Variants in ZNF469 observed in about 807,000 individuals in gnomAD.
The protein encoded by ZNF469 is zinc finger protein 469.
ZNF469 carries 1 observed loss-of-function variant against 1.0 expected under a neutral mutation model. The observed-to-expected ratio is 1.00, with a 90% CI of 0.35 to 4.73. The LOEUF is 4.73. Ranked by LOEUF, ZNF469 falls within the 30% of genes most tolerant of loss-of-function variation. The pLI is 0.16. For synonymous variants in ZNF469, 2,703 were observed against 2,363.4 expected (o/e 1.14, Z -4.17); for missense variants, 6,100 against 5,356.3 (o/e 1.14, Z -4.33).
chr16:88,215,506 C>T, the ZNF469 span, among the ~76,000 whole-genome samples: 1 of 150,472 alleles, frequency 6.6e-6, no homozygotes, highest in Non-Finnish European at 1.5e-5. Context: ...TCTCCTGCCT[C>T]AGCCTCCCAA....
chr16:88,191,730 A>G, the ZNF469 span: 1 of 152,228 alleles, frequency 6.6e-6, no homozygotes, highest in Admixed American at 6.5e-5. Flanking sequence ...AGACATGGTC[A>G]TAGGCCCTGC....
rs1597213406 is a variant in ZNF469 at position 88,436,535 on chromosome 16, G to A, written c.9065G>A (p.Ser3022Asn). 2.6e-6 allele frequency: 4 copies of A among 1,549,396 alleles called. No homozygotes were observed. The East Asian group carries it at 9.8e-5, about 38-fold the overall frequency. The part of the protein sequence containing the change: ...SLGDVSPEPP[S>N]LERERCDGGL... Reference sequence around the variant, plus strand: ...GGAGATGTGAGCCCCGAGCCCCCCAGCCTGGAGAGAGAACGCTGTGACGGT... The same window carrying A: ...GGAGATGTGAGCCCCGAGCCCCCCAACCTGGAGAGAGAACGCTGTGACGGT... Residue 3022 changes from serine (S) to asparagine (N), a missense_variant, in exon 3 of 3, where the codon AGC becomes AAC. Ser to Asn is a conservative substitution (Grantham distance 46). Transcript: ENST00000565624.
the ZNF469 span, among the ~76,000 whole-genome samples, chr16:88,296,918 C>A: frequency 6.6e-6 from 1 of 152,226 alleles, no homozygotes; most frequent in African/African-American, 2.4e-5. Flanking sequence ...TTGGATGCAG[C>A]TGTTTTGAAG....
At chr16:88,111,515 A>T in the ZNF469 span, among the ~76,000 whole-genome samples, 1 of 19,496 alleles carries the variant, frequency 5.1e-5, no homozygotes, top group African/African-American at 9.0e-5. Context: ...TTTTGTACCC[A>T]TTAACATCCC....
the ZNF469 span, among the ~76,000 whole-genome samples, chr16:88,179,889 C>T: frequency 1.2e-4 from 18 of 152,198 alleles, no homozygotes; most frequent in Non-Finnish European, 2.4e-4. Flanking sequence ...AAGTACAGGC[C>T]TTGCTGTCAG....
At chr16:88,217,109 G>A in the ZNF469 span, among the ~76,000 whole-genome samples, 8 of 152,056 alleles carry the variant, frequency 5.3e-5, no homozygotes, top group African/African-American at 7.2e-5. Flanking sequence ...GTTTTTGGTC[G>A]TGTGGTCCTG....
the ZNF469 span, among the ~76,000 whole-genome samples, chr16:88,155,184 G>C: frequency 6.6e-6 from 1 of 152,256 alleles, no homozygotes; most frequent in Non-Finnish European, 1.5e-5. Context: ...AGTCCAGAGT[G>C]GGCCATGGAG....
chr16:88,119,368 G>A, the ZNF469 span, among the ~76,000 whole-genome samples: 1 of 152,218 alleles, frequency 6.6e-6, no homozygotes, highest in African/African-American at 2.4e-5. Context: ...TCCGCAGCCT[G>A]TGGTGCACGT....
the ZNF469 span, among the ~76,000 whole-genome samples, chr16:88,357,670 G>C: frequency 6.6e-6 from 1 of 152,220 alleles, no homozygotes; most frequent in Non-Finnish European, 1.5e-5. Flanking sequence ...ACTGAGCTCC[G>C]AAGCACGCCA....
the ZNF469 span, among the ~76,000 whole-genome samples, chr16:88,375,448 G>A: frequency 2.6e-5 from 4 of 152,222 alleles, no homozygotes; most frequent in Non-Finnish European, 5.9e-5. Flanking sequence ...TTACCAGAAC[G>A]AAATACATTA....
the ZNF469 span, among the ~76,000 whole-genome samples, chr16:88,113,637 A>G: frequency 6.6e-6 from 1 of 152,210 alleles, no homozygotes; most frequent in Non-Finnish European, 1.5e-5. Flanking sequence ...GTGAAGGCAC[A>G]AAGGCTCTCG....
chr16:88,108,736 T>C, the ZNF469 span, among the ~76,000 whole-genome samples: 1 of 152,202 alleles, frequency 6.6e-6, no homozygotes, highest in Non-Finnish European at 1.5e-5. Flanking sequence ...GGGCCACGCA[T>C]GTGTTTGCTG....
the ZNF469 span, among the ~76,000 whole-genome samples, chr16:88,104,993 A>C: frequency 6.6e-6 from 1 of 152,154 alleles, no homozygotes; most frequent in African/African-American, 2.4e-5. Flanking sequence ...AGGCAGGAGG[A>C]TCACTTGAGT....
intron 1 of ZNF469, among the ~76,000 whole-genome samples, chr16:88,405,033 AG>A (rs1283142289): frequency 1.3e-5 from 2 of 152,038 alleles, no homozygotes; most frequent in East Asian, 1.9e-4. Flanking sequence ...CAGGGCGGGG[AG>A]GGGGTCAGCC....
At chr16:88,109,612 C>T in the ZNF469 span, among the ~76,000 whole-genome samples, 2 of 134,114 alleles carry the variant, frequency 1.5e-5, no homozygotes, top group Non-Finnish European at 1.6e-5. Context: ...TCTGTGTCCA[C>T]GCTGTCTCCT....
At chr16:88,421,365 G>A (rs1905451614) in intron 1 of ZNF469, among the ~76,000 whole-genome samples, 1 of 152,170 alleles carries the variant, frequency 6.6e-6, no homozygotes, top group Admixed American at 6.5e-5. Flanking sequence ...CTGGGGGATA[G>A]GATCTCCCGA....
intron 1 of ZNF469, among the ~76,000 whole-genome samples, chr16:88,412,155 C>T (rs892445488): frequency 2.6e-5 from 4 of 152,278 alleles, no homozygotes; most frequent in South Asian, 2.1e-4. Flanking sequence ...CCCACCACGC[C>T]CCCTGTCCCA....
chr16:88,212,361 T>G, the ZNF469 span, among the ~76,000 whole-genome samples: 1 of 152,304 alleles, frequency 6.6e-6, no homozygotes, highest in East Asian at 1.9e-4. Context: ...CTCTTCTCCT[T>G]TCTTCTGTTT....
chr16:88,239,480 T>C, the ZNF469 span, among the ~76,000 whole-genome samples: 12 of 149,294 alleles, frequency 8.0e-5, no homozygotes, highest in African/African-American at 2.9e-4. Flanking sequence ...CGAATTTTCA[T>C]GATGGTCTCT....
Sources: gnomAD v4.1 joint callset for allele counts (sites outside exome capture counted in the v4.1 genomes callset) on GRCh38, gnomAD v4.1.1 for gene constraint, MANE v1.5 for transcripts, NCBI Gene and HGNC (gene_info 2026-07-23, HGNC 2026-07-21) for gene names.